The following SLC2A5 variants were observed in gnomAD, a reference collection of about 807,000 sequenced individuals.
SLC2A5 encodes solute carrier family 2 member 5.
Under a neutral mutation model 50.3 loss-of-function variants are expected in SLC2A5, and 56 were observed. The observed-to-expected ratio is 1.11, with a 90% confidence interval of 0.90 to 1.39. The LOEUF (loss-of-function observed/expected upper bound fraction) is 1.39. Among genes scored for constraint, SLC2A5 ranks in the 40% most tolerant of loss-of-function variants. The pLI is 0.00. For missense variants in SLC2A5, 566 were observed against 650.1 expected (o/e 0.87, Z 1.41); for synonymous variants, 269 against 281.9 (o/e 0.95, Z 0.46).
At position 9,058,213 on chromosome 1, in the gene SLC2A5, G is replaced by A; in HGVS notation, c.71C>T (p.Ala24Val). ...TLVLALATLIAAFGSSFQYGY... is the reference protein window; with the variant it reads ...TLVLALATLIVAFGSSFQYGY... ...ATACTGGAAGGATGACCCAAAGGCAGCTATCAGGGTTGCCAGGGCAAGCAC... is the reference window on the plus strand; with the variant it reads ...ATACTGGAAGGATGACCCAAAGGCAACTATCAGGGTTGCCAGGGCAAGCAC... Residue 24 changes from alanine to valine, a missense_variant, in exon 2 of 12, where the codon GCT becomes GTT. Transcript: ENST00000377424. The A allele has an allele frequency of 1.2e-6, 2 of 1,614,118 alleles. No individual in the cohort carries two copies. The highest frequency in any genetic ancestry group is 1.7e-6 in the Non-Finnish European group (2 of 1,179,960).
chr1:9,062,843 G>A (rs1557678082), intron 1 of SLC2A5, among the ~76,000 whole-genome samples: 1 of 152,106 alleles, frequency 6.6e-6, no homozygotes, highest in South Asian at 2.1e-4. Flanking sequence ...TTGCACTCCA[G>A]TCTGGGAAAC....
intron 3 of SLC2A5, among the ~76,000 whole-genome samples, chr1:9,052,538 A>G (rs1179415606): frequency 6.6e-6 from 1 of 152,180 alleles, no homozygotes; most frequent in African/African-American, 2.4e-5. Flanking sequence ...GTAAACCCTA[A>G]TGTACACTAT....
chr1:9,091,010 G>A (rs1301084566), upstream of SLC2A5, among the ~76,000 whole-genome samples: 3 of 152,122 alleles, frequency 2.0e-5, no homozygotes, highest in South Asian at 2.1e-4. Flanking sequence ...TCATAACTCC[G>A]AATATCCAGG....
At chr1:9,078,082 T>TC (rs1427468404) in intron 2 of SLC2A5, among the ~76,000 whole-genome samples, 1 of 152,146 alleles carries the variant, frequency 6.6e-6, no homozygotes, top group Non-Finnish European at 1.5e-5. Context: ...GGTGGACAGT[T>TC]CCCCGGAGCT....
intron 1 of SLC2A5, among the ~76,000 whole-genome samples, chr1:9,061,556 T>C (rs1641945008): frequency 6.8e-6 from 1 of 146,596 alleles, no homozygotes; most frequent in African/African-American, 2.5e-5. Flanking sequence ...CAGTGAGCTA[T>C]GGTTGCACCA....
intron 1 of SLC2A5, among the ~76,000 whole-genome samples, chr1:9,060,235 ACAC>A (rs1376424722): frequency 8.5e-6 from 1 of 117,512 alleles, no homozygotes; most frequent in African/African-American, 3.1e-5. Context: ...CAATACACAC[ACAC>A]CCCCCATGTA....
chr1:9,084,568 G>T (rs138652145), intron 2 of SLC2A5, among the ~76,000 whole-genome samples: 1 of 152,262 alleles, frequency 6.6e-6, no homozygotes, highest in Non-Finnish European at 1.5e-5. Flanking sequence ...CTATAAATCA[G>T]CCCCGGGCCC....
intron 5 of SLC2A5, chr1:9,041,119 C>T: frequency 2.9e-6 from 1 of 344,490 alleles, no homozygotes; most frequent in Non-Finnish European, 5.2e-6. Context: ...GCTTGATGAT[C>T]CACTTGACTG....
chr1:9,071,431 A>T (rs1557682687), upstream of SLC2A5, among the ~76,000 whole-genome samples: 1 of 152,110 alleles, frequency 6.6e-6, no homozygotes, highest in Non-Finnish European at 1.5e-5. Context: ...TCCCCCCAAA[A>T]ATAATCGTCC....
At chr1:9,066,012 A>G (rs1381591739) in intron 1 of SLC2A5, among the ~76,000 whole-genome samples, 1 of 152,156 alleles carries the variant, frequency 6.6e-6, no homozygotes, top group Non-Finnish European at 1.5e-5. Flanking sequence ...GGTATAGAAC[A>G]CTTAGGACCA....
intron 1 of SLC2A5, among the ~76,000 whole-genome samples, chr1:9,060,376 A>G: frequency 7.9e-6 from 1 of 126,464 alleles, no homozygotes; most frequent in Non-Finnish European, 1.6e-5. Flanking sequence ...ACATACACAC[A>G]CGCACACATG....
At chr1:9,051,206 G>T (rs540814533) in intron 3 of SLC2A5, among the ~76,000 whole-genome samples, 79 of 149,866 alleles carry the variant, frequency 5.3e-4, no homozygotes, top group African/African-American at 1.9e-3. Context: ...AGAGAAGAAG[G>T]AAGGAGGGAA....
chr1:9,073,146 T>A (rs1642242573), upstream of SLC2A5: 1 of 152,286 alleles, frequency 6.6e-6, no homozygotes. Flanking sequence ...CAGTCACTAC[T>A]GGCCTCACCT....
chr1:9,039,464 C>G (rs1180317412), intron 8 of SLC2A5, 88 bp downstream of exon 8: 3 of 964,556 alleles, frequency 3.1e-6, no homozygotes, highest in African/African-American at 3.4e-5. Context: ...TTTGGGGCCA[C>G]GGGCTGCCCT....
intron 1 of SLC2A5, among the ~76,000 whole-genome samples, chr1:9,060,650 C>A (rs1342828119): frequency 3.1e-5 from 4 of 127,044 alleles, no homozygotes; most frequent in South Asian, 2.8e-4. Flanking sequence ...GCCCACACAC[C>A]CCCCACACAC....
At chr1:9,077,041 C>G (rs1642290717) in intron 2 of SLC2A5, among the ~76,000 whole-genome samples, 1 of 151,188 alleles carries the variant, frequency 6.6e-6, no homozygotes, top group Non-Finnish European at 1.5e-5. Flanking sequence ...CTCGCCTCAG[C>G]CTCCCAAAGT....
At position 9,035,228 on chromosome 1, in the gene SLC2A5, C is replaced by A. The variant is rs969038035; in HGVS notation, c.*2358G>T. On this transcript the variant is annotated 3_prime_UTR_variant, in exon 12 of 12. Transcript: ENST00000377424. ...AGTTGCACAACTAATGTGGCAGGAC[C>A]AAGGTTTGAACCCAGGGAGCAGACA... 1 of 152,170 alleles carries A rather than the reference C, an allele frequency of 6.6e-6. No individual in the cohort carries two copies. The highest frequency in any genetic ancestry group is 1.5e-5 in the Non-Finnish European group (1 of 68,028). The allele number at this position is 152,170 out of a possible 1,614,324, so 9.4% of individuals were successfully genotyped here. A position where few individuals can be genotyped will look rare whatever the true frequency, so the allele number is the denominator to read the frequency against.
At chr1:9,061,328 G>A (rs1175413296) in intron 1 of SLC2A5, among the ~76,000 whole-genome samples, 1 of 125,276 alleles carries the variant, frequency 8.0e-6, no homozygotes, top group Non-Finnish European at 1.7e-5. Flanking sequence ...ATCTGAGTGT[G>A]ATGGCAAACA....
At chr1:9,071,724 C>A (rs1004485933), upstream of SLC2A5, 17 of 152,438 alleles carry the variant, frequency 1.1e-4, no homozygotes, top group African/African-American at 3.8e-4. Flanking sequence ...GCGTCACCAA[C>A]GCTCGACCCG....
Sources: allele counts gnomAD v4.1 joint callset (sites outside exome capture counted in the v4.1 genomes callset), GRCh38; gene constraint gnomAD v4.1.1; transcripts MANE v1.5; gene names NCBI Gene and HGNC (gene_info 2026-07-23, HGNC 2026-07-21).